The following GABRB1 variants were observed in gnomAD, a reference collection of about 807,000 sequenced individuals.
GABRB1 encodes the protein gamma-aminobutyric acid type A receptor subunit beta1.
A neutral mutation model predicts 51.6 loss-of-function variants in GABRB1; 17 were observed. The ratio of observed to expected loss-of-function variants is 0.33; its 90% CI spans 0.23 to 0.49. GABRB1 has a LOEUF of 0.49. Among genes scored for constraint, GABRB1 ranks in the 20% least tolerant of loss-of-function variants. The pLI, the probability that GABRB1 is intolerant of heterozygous loss-of-function variation, is 0.99. For synonymous variants in GABRB1, 247 were observed against 218.9 expected, an observed-to-expected ratio of 1.13 and a Z score of -1.14; for missense variants, 410 against 600.6, an observed-to-expected ratio of 0.68 and a Z score of 3.32.
At chr4:47,368,209 G>T (rs552721008) in intron 5 of GABRB1, among the ~76,000 whole-genome samples, 1 of 152,154 alleles carries the variant, frequency 6.6e-6, no homozygotes, top group Non-Finnish European at 1.5e-5. Flanking sequence ...CTAACTAGGA[G>T]TCAACATATA....
intron 4 of GABRB1, among the ~76,000 whole-genome samples, chr4:47,273,350 G>C (rs113544137): frequency 1.3e-5 from 2 of 152,284 alleles, no homozygotes; most frequent in African/African-American, 4.8e-5. Flanking sequence ...ACTCAGATTT[G>C]TTCTTAAGCT....
intron 4 of GABRB1, among the ~76,000 whole-genome samples, chr4:47,270,855 T>C (rs904361963): frequency 6.6e-6 from 1 of 152,222 alleles, no homozygotes; most frequent in Admixed American, 6.5e-5. Flanking sequence ...ATGGTTTGTT[T>C]ATCCTATAGC....
At chr4:47,169,245 C>T (rs1406511677) in intron 4 of GABRB1, among the ~76,000 whole-genome samples, 1 of 152,080 alleles carries the variant, frequency 6.6e-6, no homozygotes, top group African/African-American at 2.4e-5. Context: ...TAAAAAAGGA[C>T]TGAACTCACT....
chr4:47,068,146 C>T (rs1247791069), intron 3 of GABRB1, among the ~76,000 whole-genome samples: 1 of 152,190 alleles, frequency 6.6e-6, no homozygotes, highest in African/African-American at 2.4e-5. Flanking sequence ...TTTTCTTCTG[C>T]AACTTCCTCA....
chr4:47,233,570 A>G (rs1721222550), intron 4 of GABRB1, among the ~76,000 whole-genome samples: 1 of 152,156 alleles, frequency 6.6e-6, no homozygotes, highest in African/African-American at 2.4e-5. Context: ...TTATTTGAAG[A>G]ATGGTTAGTT....
chr4:47,425,650 C>G (rs1381092730), intron 8 of GABRB1, 24 bp from the exon 9 acceptor site: 1 of 1,552,904 alleles, frequency 6.4e-7, no homozygotes, highest in South Asian at 1.2e-5. Flanking sequence ...AACTTGTGTC[C>G]GAGCCTGTTC....
At position 47,044,123 on chromosome 4, in the gene GABRB1, T is replaced by G. The variant is rs141464473; in HGVS notation, c.240+11639T>G. Among the ~76,000 whole-genome samples the G allele has an allele frequency of 2.7e-3, 406 of 152,158 alleles. 3 individuals are homozygous for G. Among genetic ancestry groups the G allele is most frequent in the African/African-American group, 8.7e-3 (362 of 41,542 alleles). ...CTGATCTTCTGCATTTGAAAAGCAT[T>G]TTGCTTGATCTGACAGTGACGCCTA... is the stretch of plus-strand genomic sequence containing the variant. On this transcript the variant is annotated intron_variant, in intron 3 of 8. Coordinates refer to ENST00000295454, the MANE Select transcript of GABRB1 (RefSeq NM_000812.4).
intron 1 of GABRB1, among the ~76,000 whole-genome samples, chr4:47,008,845 G>T (rs1724493766): frequency 1.6e-5 from 1 of 61,012 alleles, no homozygotes; most frequent in African/African-American, 5.2e-5. Context: ...CACGCTATCA[G>T]ATACTACCTT....
intron 4 of GABRB1, among the ~76,000 whole-genome samples, chr4:47,278,199 G>A (rs1723154529): frequency 1.3e-5 from 2 of 152,128 alleles, no homozygotes; most frequent in South Asian, 4.1e-4. Flanking sequence ...CTCTCATAAT[G>A]TTAAGTGTTT....
intron 5 of GABRB1, among the ~76,000 whole-genome samples, chr4:47,347,230 C>T (rs774563752): frequency 4.6e-5 from 7 of 151,870 alleles, no homozygotes; most frequent in African/African-American, 1.7e-4. Context: ...TGCAATGAGT[C>T]GAGATCACGC....
At chr4:47,361,129 G>A (rs1359163102) in intron 5 of GABRB1, among the ~76,000 whole-genome samples, 2 of 152,044 alleles carry the variant, frequency 1.3e-5, no homozygotes, top group Admixed American at 1.3e-4. Context: ...TCAGAAGCTA[G>A]TGACAAGAAA....
intron 4 of GABRB1, among the ~76,000 whole-genome samples, chr4:47,197,324 AC>A (rs1485596418): frequency 5.3e-5 from 8 of 152,064 alleles, no homozygotes; most frequent in Admixed American, 2.6e-4. Context: ...TTTCTGGATT[AC>A]CCCTTTTTAT....
rs570929505 is a variant in GABRB1, at chr4:47,005,780, AAAGAGTCAACTTGT to A, written c.-20+11857_-20+11870del. ...TACCCAATTTCTTTACCTAACTCTG[AAAGAGTCAACTTGT>A]AACATATGGGGCTTAGCAAAACTGT... On this transcript the variant is annotated intron_variant, in intron 1 of 3. Coordinates refer to the GABRB1 transcript ENST00000513567. Among the ~76,000 whole-genome samples, 346 of 38,152 alleles carry A rather than the reference AAAGAGTCAACTTGT, an allele frequency of 9.1e-3. 35 individuals carry two copies. The highest frequency in any genetic ancestry group is 0.026 in the African/African-American group (329 of 12,552). 25.0% of individuals were successfully genotyped at this position (38,152 alleles called of 152,430 possible).
intron 3 of GABRB1, among the ~76,000 whole-genome samples, chr4:47,089,503 C>T (rs935955495): frequency 1.3e-5 from 2 of 152,042 alleles, no homozygotes; most frequent in Admixed American, 1.3e-4. Context: ...AGAGAATAAA[C>T]GAGAGCACAT....
chr4:47,032,328 A>G (rs965498357), intron 2 of GABRB1, 89 bp from the exon 3 acceptor site: 99 of 1,209,808 alleles, frequency 8.2e-5, no homozygotes, highest in Non-Finnish European at 1.0e-4. Context: ...CCCGTTAAGA[A>G]TGGAGTAAGG....
chr4:47,215,345 C>T (rs1198929297), intron 4 of GABRB1, among the ~76,000 whole-genome samples: 1 of 152,088 alleles, frequency 6.6e-6, no homozygotes, highest in African/African-American at 2.4e-5. Flanking sequence ...TTCAGTATTG[C>T]TGTTGCTTTG....
intron 5 of GABRB1, among the ~76,000 whole-genome samples, chr4:47,340,773 G>A (rs935909280): frequency 6.6e-6 from 1 of 151,944 alleles, no homozygotes; most frequent in African/African-American, 2.4e-5. Flanking sequence ...ACATCTCTTT[G>A]GCAAACTCAA....
At chr4:47,397,735 T>G (rs2110045216) in intron 5 of GABRB1, among the ~76,000 whole-genome samples, 1 of 149,698 alleles carries the variant, frequency 6.7e-6, no homozygotes, top group East Asian at 2.0e-4. Context: ...CTCAGCTAAT[T>G]TTTTTTTTTG....
chr4:47,010,938 A>G (rs1192396061), intron 1 of GABRB1, among the ~76,000 whole-genome samples: 1 of 152,170 alleles, frequency 6.6e-6, no homozygotes, highest in East Asian at 1.9e-4. Flanking sequence ...CACACAGTGG[A>G]TTTTTGAACC....
Sources: gnomAD v4.1 joint callset for allele counts (sites outside exome capture counted in the v4.1 genomes callset) on GRCh38, gnomAD v4.1.1 for gene constraint, MANE v1.5 for transcripts, NCBI Gene and HGNC (gene_info 2026-07-23, HGNC 2026-07-21) for gene names.